The following SPAG16 variants were observed in gnomAD, a reference collection of about 807,000 sequenced individuals.
SPAG16 encodes sperm associated antigen 16, also known as sperm-associated antigen 16 protein.
A neutral mutation model predicts 80.4 loss-of-function variants in SPAG16; 86 were observed. That is an observed-to-expected ratio of 1.07 (90% confidence interval 0.90 to 1.28). The LOEUF (loss-of-function observed/expected upper bound fraction) is 1.28. Among genes scored for constraint, SPAG16 ranks in the 50% most tolerant of loss-of-function variants. The pLI, the probability that SPAG16 is intolerant of heterozygous loss-of-function variation, is 0.00. For missense variants in SPAG16, 870 were observed against 765.3 expected (o/e 1.14, Z -1.61); for synonymous variants, 294 against 265.9 (o/e 1.11, Z -1.03).
At chr2:213,889,366 G>C (rs1055091284) in intron 11 of SPAG16, among the ~76,000 whole-genome samples, 3 of 151,670 alleles carry the variant, frequency 2.0e-5, no homozygotes, top group Non-Finnish European at 2.9e-5. Flanking sequence ...ATCTAGGTAT[G>C]TAATCATTAT....
At chr2:214,184,598 A>G (rs1339586524) in intron 15 of SPAG16, among the ~76,000 whole-genome samples, 3 of 152,084 alleles carry the variant, frequency 2.0e-5, no homozygotes, top group African/African-American at 7.2e-5. Flanking sequence ...TTAAGGGGGA[A>G]TCTGCAAACA....
chr2:213,876,527 C>G (rs10153702), intron 11 of SPAG16, among the ~76,000 whole-genome samples: 90,369 of 151,902 alleles, frequency 0.59, 28,755 homozygotes, highest in South Asian at 0.85. Flanking sequence ...TACACCAGTA[C>G]CTGAGCTTTT....
At chr2:214,196,336 G>A (rs951416632) in intron 15 of SPAG16, among the ~76,000 whole-genome samples, 1 of 152,120 alleles carries the variant, frequency 6.6e-6, no homozygotes, top group East Asian at 1.9e-4. Flanking sequence ...TTGTCTTGAT[G>A]CCTTATCTCT....
chr2:213,967,058 G>T lies in SPAG16; in HGVS notation c.1400+36913G>T, dbSNP rs117269236. On this transcript the variant is annotated intron_variant, in intron 12 of 15. Coordinates refer to ENST00000331683, the MANE Select transcript of SPAG16 (RefSeq NM_024532.5). Reference sequence around the variant, plus strand: ...ACTGTATCAACTTTTGAATAACTTAGTTCAATCTAATTCTATTTTTTTCCT... The same window carrying T: ...ACTGTATCAACTTTTGAATAACTTATTTCAATCTAATTCTATTTTTTTCCT... 3.7e-4 allele frequency among the ~76,000 whole-genome samples: 57 copies of T among 152,202 alleles called. No homozygotes were observed. The East Asian group carries it at 8.3e-3, about 22-fold the overall frequency.
rs370770260 is a variant in SPAG16, at chr2:214,327,240, A to C, written c.1721-82900A>C. On this transcript the variant is annotated intron_variant, in intron 15 of 15. Coordinates refer to ENST00000331683, the MANE Select transcript of SPAG16 (RefSeq NM_024532.5). ...CTCCTGATCGTTTAAACAATGAGTT[A>C]GTCCAATTGCATGATAAAAAGAGGA... 5.9e-5 allele frequency among the ~76,000 whole-genome samples: 9 copies of C among 152,248 alleles called. 1 individual carries two copies. The highest frequency in any genetic ancestry group is 2.2e-4 in the African/African-American group (9 of 41,576).
intron 11 of SPAG16, among the ~76,000 whole-genome samples, chr2:213,864,558 C>T (rs1455695297): frequency 6.6e-6 from 1 of 152,028 alleles, no homozygotes; most frequent in Non-Finnish European, 1.5e-5. Flanking sequence ...CTAACATTTA[C>T]TGTCCTCCTA....
intron 15 of SPAG16, among the ~76,000 whole-genome samples, chr2:214,288,413 C>T (rs987331532): frequency 2.0e-5 from 3 of 152,198 alleles, no homozygotes; most frequent in Admixed American, 1.3e-4. Flanking sequence ...CCCTTTGATA[C>T]ACATATTTCT....
intron 11 of SPAG16, among the ~76,000 whole-genome samples, chr2:213,898,815 G>T (rs993472437): frequency 1.3e-5 from 2 of 151,958 alleles, no homozygotes; most frequent in African/African-American, 4.8e-5. Flanking sequence ...TATTAGAGAC[G>T]GTCTTACTTG....
At chr2:213,341,792 C>A (rs908178549) in intron 6 of SPAG16, among the ~76,000 whole-genome samples, 1 of 152,090 alleles carries the variant, frequency 6.6e-6, no homozygotes, top group Non-Finnish European at 1.5e-5. Context: ...CCTCTCAGAT[C>A]GGCCTCCCAA....
intron 10 of SPAG16, among the ~76,000 whole-genome samples, chr2:213,644,731 C>A (rs1223385972): frequency 2.0e-5 from 3 of 152,174 alleles, no homozygotes; most frequent in Non-Finnish European, 4.4e-5. Flanking sequence ...TGTTCTGAAC[C>A]ACCTAAATCT....
intron 9 of SPAG16, among the ~76,000 whole-genome samples, chr2:213,444,637 T>A (rs935438919): frequency 1.7e-4 from 26 of 152,204 alleles, no homozygotes; most frequent in African/African-American, 6.0e-4. Flanking sequence ...TATCTTTCCA[T>A]TTTTTGTTCC....
chr2:213,724,786 AAAAAAAAAAAAAAAAG>A (rs1450570616), intron 10 of SPAG16, among the ~76,000 whole-genome samples: 1,786 of 135,138 alleles, frequency 0.013, 25 homozygotes, highest in South Asian at 0.048. Flanking sequence ...CAAAAAAAAA[AAAAAAAAAAAAAAAAG>A]AAAAAAGGAT....
intron 3 of SPAG16, among the ~76,000 whole-genome samples, chr2:213,300,291 C>T (rs2062685338): frequency 6.6e-6 from 1 of 152,074 alleles, no homozygotes; most frequent in African/African-American, 2.4e-5. Context: ...TCCTCTTCCT[C>T]CTGAGAATTT....
intron 15 of SPAG16, among the ~76,000 whole-genome samples, chr2:214,393,103 C>T (rs1701182411): frequency 6.6e-6 from 1 of 152,118 alleles, no homozygotes; most frequent in Non-Finnish European, 1.5e-5. Flanking sequence ...ATTTCTTAAA[C>T]CATGTCATAT....
chr2:213,744,376 C>T (rs1322708148), intron 10 of SPAG16, among the ~76,000 whole-genome samples: 2 of 152,078 alleles, frequency 1.3e-5, no homozygotes, highest in African/African-American at 4.8e-5. Context: ...CACAGTCATC[C>T]CAAGCTTCCT....
chr2:213,781,851 A>G (rs997185167), intron 10 of SPAG16, among the ~76,000 whole-genome samples: 7 of 152,222 alleles, frequency 4.6e-5, no homozygotes, highest in Non-Finnish European at 8.8e-5. Context: ...AAAGAATGAT[A>G]AAACTTAATC....
At chr2:214,147,587 A>G (rs1477594183) in intron 14 of SPAG16, among the ~76,000 whole-genome samples, 1 of 152,174 alleles carries the variant, frequency 6.6e-6, no homozygotes, top group African/African-American at 2.4e-5. Flanking sequence ...CTAATTTCTA[A>G]CATTAATATT....
chr2:213,429,535 C>T (rs531153377), intron 9 of SPAG16, among the ~76,000 whole-genome samples: 21 of 152,226 alleles, frequency 1.4e-4, no homozygotes, highest in South Asian at 2.1e-4. Context: ...GCCTGAAGTT[C>T]GGCCTACACA....
chr2:213,734,855 T>C (rs892960412), intron 10 of SPAG16, among the ~76,000 whole-genome samples: 4 of 152,210 alleles, frequency 2.6e-5, no homozygotes, highest in Admixed American at 1.3e-4. Context: ...AATTATAAAA[T>C]AAAATGATGG....
Sources: gnomAD v4.1 joint callset for allele counts (sites outside exome capture counted in the v4.1 genomes callset) on GRCh38, gnomAD v4.1.1 for gene constraint, MANE v1.5 for transcripts, NCBI Gene and HGNC (gene_info 2026-07-23, HGNC 2026-07-21) for gene names.